Variants in SPECC1 observed in about 807,000 individuals in gnomAD.
SPECC1 encodes the protein sperm antigen with calponin homology and coiled-coil domains 1.
Under a neutral mutation model 104.1 loss-of-function variants are expected in SPECC1, and 62 were observed. The ratio of observed to expected loss-of-function variants is 0.60; its 90% CI spans 0.49 to 0.74. The LOEUF (loss-of-function observed/expected upper bound fraction) is 0.74. Ranked by LOEUF, SPECC1 falls within the 30% of genes least tolerant of loss-of-function variation. SPECC1 has a pLI of 0.00. For missense variants in SPECC1, 1,306 were observed against 1,310.5 expected (o/e 1.00, Z 0.05); for synonymous variants, 513 against 501.6 (o/e 1.02, Z -0.30).
intron 13 of SPECC1, among the ~76,000 whole-genome samples, chr17:20,303,138 A>G (rs557984782): frequency 6.6e-6 from 1 of 152,244 alleles, no homozygotes; most frequent in African/African-American, 2.4e-5. Context: ...TTGGCATTAC[A>G]TATTAAAAGC....
At position 20,302,152 on chromosome 17, in the gene SPECC1, G is replaced by C. The variant is rs568621835; in HGVS notation, c.3058-3871G>C. Among the ~76,000 whole-genome samples the C allele has an allele frequency of 1.2e-4, 18 of 152,370 alleles. No individual in the cohort carries two copies. In the East Asian group the frequency reaches 3.1e-3, roughly 26 times the overall value. ...AAATGAATGAAGTGTGACCCTGAGA[G>C]GGGGAACTCTAGGATTGGCATCTTT... is the stretch of plus-strand genomic sequence containing the variant. On this transcript the variant is annotated intron_variant, in intron 13 of 14. Coordinates refer to ENST00000395527, the MANE Select transcript of SPECC1 (RefSeq NM_001243439.2).
At chr17:20,232,676 C>T (rs1417908544) in intron 7 of SPECC1, among the ~76,000 whole-genome samples, 1 of 152,192 alleles carries the variant, frequency 6.6e-6, no homozygotes, top group East Asian at 1.9e-4. Context: ...GAATAGAAGT[C>T]CTGTCTAGAA....
At chr17:20,266,240 C>G (rs1462660386) in intron 12 of SPECC1, among the ~76,000 whole-genome samples, 1 of 152,170 alleles carries the variant, frequency 6.6e-6, no homozygotes, top group Non-Finnish European at 1.5e-5. Flanking sequence ...TGTGTCATAG[C>G]TGGTTTCTTT....
Position 20,204,474 on chromosome 17 carries a change from C to T in SPECC1, c.425C>T (p.Thr142Ile), listed in dbSNP as rs1162127466. 3 of 1,614,116 alleles carry T rather than the reference C, an allele frequency of 1.9e-6. No individual in the cohort carries two copies. The highest frequency in any genetic ancestry group is 1.7e-5 in the Admixed American group (1 of 60,012). The part of the protein sequence containing the change: ...VSSPTSSNTP[T>I]PTKHLRTPST... ...AGTCCAACTTCTTCCAACACTCCCA[C>T]TCCTACGAAACACCTGAGGACCCCT... The change falls in exon 4 of 15, where the codon ACT becomes ATT. Residue 142 changes from threonine to isoleucine, a missense_variant. Thr to Ile is a moderately conservative substitution (Grantham distance 89). This residue lies in a region of SPECC1 where 1,177 missense variants were observed against 1,139.9 expected (regional missense o/e 1.03). Coordinates refer to ENST00000395527, the MANE Select transcript of SPECC1 (RefSeq NM_001243439.2).
intron 3 of SPECC1, among the ~76,000 whole-genome samples, chr17:20,138,079 C>G (rs546707920): frequency 8.6e-5 from 13 of 151,372 alleles, no homozygotes; most frequent in Non-Finnish European, 1.8e-4. Flanking sequence ...AGCAGCCCTC[C>G]CACCCCAGCC....
intron 10 of SPECC1, 130 bp downstream of exon 10, chr17:20,253,716 A>C (rs1405648937): frequency 2.5e-6 from 2 of 815,738 alleles, no homozygotes; most frequent in Admixed American, 4.6e-5. Flanking sequence ...TCAACCCCGA[A>C]TAATGTACAT....
intron 3 of SPECC1, among the ~76,000 whole-genome samples, chr17:20,171,712 T>TAATTTTTTTA (rs1376598436): frequency 6.6e-6 from 1 of 152,122 alleles, no homozygotes; most frequent in Non-Finnish European, 1.5e-5. Flanking sequence ...CTCACTTGGC[T>TAATTTTTTTA]AATTTTTTTA....
intron 12 of SPECC1, among the ~76,000 whole-genome samples, chr17:20,273,699 C>T (rs1168577635): frequency 6.6e-6 from 1 of 152,144 alleles, no homozygotes; most frequent in Non-Finnish European, 1.5e-5. Flanking sequence ...CACCTCTTGC[C>T]ACCAATTTCC....
chr17:20,037,789 A>G (rs1357153663), intron 1 of SPECC1, among the ~76,000 whole-genome samples: 5 of 152,128 alleles, frequency 3.3e-5, no homozygotes, highest in Non-Finnish European at 7.4e-5. Context: ...TTCTGAAGAT[A>G]TTTTTCACAG....
At chr17:20,248,722 A>G (rs996355972) in intron 9 of SPECC1, among the ~76,000 whole-genome samples, 5 of 152,130 alleles carry the variant, frequency 3.3e-5, no homozygotes, top group African/African-American at 1.2e-4. Flanking sequence ...TAGTCTGTTT[A>G]TGTTTTGTAA....
intron 1 of SPECC1, among the ~76,000 whole-genome samples, chr17:20,014,649 G>A (rs977294249): frequency 6.6e-6 from 1 of 152,154 alleles, no homozygotes; most frequent in Non-Finnish European, 1.5e-5. Flanking sequence ...AGGAAGAAGT[G>A]CACGCGTCTG....
chr17:20,305,441 AAGGAGG>A (rs1202370124), intron 13 of SPECC1, among the ~76,000 whole-genome samples: 1 of 152,198 alleles, frequency 6.6e-6, no homozygotes, highest in East Asian at 1.9e-4. Context: ...TCTATAGTGT[AAGGAGG>A]AGGCAGATGC....
At chr17:20,298,006 C>T (rs1255582695) in intron 13 of SPECC1, among the ~76,000 whole-genome samples, 1 of 152,194 alleles carries the variant, frequency 6.6e-6, no homozygotes, top group Non-Finnish European at 1.5e-5. Flanking sequence ...TGCTGTGAGA[C>T]AGAGTGACGG....
intron 1 of SPECC1, among the ~76,000 whole-genome samples, chr17:20,011,258 T>G (rs779480153): frequency 2.0e-5 from 3 of 152,358 alleles, no homozygotes; most frequent in Admixed American, 6.5e-5. Flanking sequence ...GCTGCTGGTG[T>G]TGTTTAGGCA....
chr17:20,246,662 A>G (rs1208602840), intron 8 of SPECC1, among the ~76,000 whole-genome samples: 1 of 152,236 alleles, frequency 6.6e-6, no homozygotes, highest in African/African-American at 2.4e-5. Context: ...AAAGATGCGT[A>G]GCTATACTTC....
chr17:20,169,361 A>G (rs924647967), intron 3 of SPECC1, among the ~76,000 whole-genome samples: 4 of 152,228 alleles, frequency 2.6e-5, no homozygotes, highest in Non-Finnish European at 4.4e-5. Flanking sequence ...AATTATCATT[A>G]TATATTATAG....
rs368242172 is a variant in SPECC1 at position 20,233,333 on chromosome 17, G to C, written c.2351+928G>C. Among the ~76,000 whole-genome samples, 27 of 152,280 alleles carry C rather than the reference G, an allele frequency of 1.8e-4. No individual in the cohort carries two copies. In the East Asian group the frequency reaches 3.5e-3, roughly 20 times the overall value. The stretch of plus-strand genomic sequence containing the variant: ...TAGCTCCTGAGCCTTTTGATCTGAT[G>C]TTTGGTTATCATGAATTTCATGACA... On this transcript the variant is annotated intron_variant, in intron 7 of 14. Coordinates refer to ENST00000395527, the MANE Select transcript of SPECC1 (RefSeq NM_001243439.2).
At chr17:20,201,971 T>C (rs1164169079) in intron 3 of SPECC1, among the ~76,000 whole-genome samples, 5 of 152,242 alleles carry the variant, frequency 3.3e-5, no homozygotes, top group Admixed American at 3.3e-4. Context: ...ACATATGTCA[T>C]GAATGCATAA....
At chr17:20,086,030 T>C (rs2047164218) in intron 1 of SPECC1, among the ~76,000 whole-genome samples, 1 of 152,144 alleles carries the variant, frequency 6.6e-6, no homozygotes, top group African/African-American at 2.4e-5. Flanking sequence ...CTAGCTAATG[T>C]GCCATCTCTC....
Sources: allele counts gnomAD v4.1 joint callset (sites outside exome capture counted in the v4.1 genomes callset), GRCh38; gene constraint gnomAD v4.1.1; regional missense constraint gnomAD v4.1.1; transcripts MANE v1.5; gene names NCBI Gene and HGNC (gene_info 2026-07-23, HGNC 2026-07-21).